DEFB121: variants seen among roughly 807,000 people sequenced by gnomAD.
The protein encoded by DEFB121 is beta-defensin 121.
A neutral mutation model predicts 2.5 loss-of-function variants in DEFB121; 5 were observed. The ratio of observed to expected loss-of-function variants is 1.96; its 90% CI spans 1.03 to 4.13. The LOEUF (loss-of-function observed/expected upper bound fraction) is 4.13. Among genes scored for constraint, DEFB121 ranks in the 30% most tolerant of loss-of-function variants. The pLI is 0.00. For synonymous variants in DEFB121, 39 were observed against 32.6 expected (o/e 1.20, Z -0.67); for missense variants, 87 against 85.0 (o/e 1.02, Z -0.09).
At chr20:31,405,466 C>T (rs903719301) in intron 1 of DEFB121, among the ~76,000 whole-genome samples, 3 of 152,092 alleles carry the variant, frequency 2.0e-5, no homozygotes, top group Non-Finnish European at 4.4e-5. Flanking sequence ...CTTTGGTACC[C>T]CCTCTGACCA....
the DEFB121 span, among the ~76,000 whole-genome samples, chr20:31,418,310 A>ACAT: frequency 6.6e-6 from 1 of 150,512 alleles, no homozygotes; most frequent in East Asian, 2.0e-4. Context: ...AAATTTAGGC[A>ACAT]CATCAACATG....
rs1308743059 is a variant in DEFB121 at position 31,406,173 on chromosome 20, G to A, written c.-21C>T. The A allele has an allele frequency of 1.2e-5, 20 of 1,613,862 alleles. No homozygotes were observed. The highest frequency in any genetic ancestry group is 1.7e-5 in the Non-Finnish European group (20 of 1,179,848). ...TTCATGAATGATGAATGATCAGGGA[G>A]GGATAGGAGGCTTCTCAACTGGTAA... On this transcript the variant is annotated 5_prime_UTR_variant, in exon 1 of 2. Coordinates refer to ENST00000376314, the MANE Select transcript of DEFB121 (RefSeq NM_001011878.3).
upstream of DEFB121, among the ~76,000 whole-genome samples, chr20:31,408,955 G>T (rs773208880): frequency 3.3e-5 from 5 of 151,966 alleles, no homozygotes; most frequent in Non-Finnish European, 7.4e-5. Flanking sequence ...GAACCTGGGA[G>T]GCAGAGGTTG....
upstream of DEFB121, among the ~76,000 whole-genome samples, chr20:31,410,484 A>G (rs973610561): frequency 4.6e-5 from 7 of 152,180 alleles, no homozygotes; most frequent in African/African-American, 1.7e-4. Flanking sequence ...TGAGAGATGG[A>G]TAGGAGTTGA....
upstream of DEFB121, among the ~76,000 whole-genome samples, chr20:31,417,281 G>T (rs1360478825): frequency 1.3e-5 from 2 of 152,056 alleles, no homozygotes; most frequent in African/African-American, 4.8e-5. Flanking sequence ...GTAGGTGAAG[G>T]TTGCAGTGAG....
upstream of DEFB121, among the ~76,000 whole-genome samples, chr20:31,410,083 T>C (rs1201933811): frequency 6.6e-6 from 1 of 152,208 alleles, no homozygotes; most frequent in African/African-American, 2.4e-5. Flanking sequence ...AAATAGTTTT[T>C]AAAATAAGCA....
chr20:31,408,458 A>G (rs1477511957), upstream of DEFB121, among the ~76,000 whole-genome samples: 1 of 152,142 alleles, frequency 6.6e-6, no homozygotes, highest in Admixed American at 6.5e-5. Context: ...CAAAAACAAA[A>G]AAAAGACAAG....
intron 1 of DEFB121, chr20:31,412,508 G>A (rs976850585): frequency 4.5e-6 from 3 of 662,902 alleles, no homozygotes; most frequent in Admixed American, 5.1e-5. Flanking sequence ...TGACAGCAGA[G>A]GTTTGCTGTG....
At chr20:31,416,243 T>C (rs1418272871), upstream of DEFB121, among the ~76,000 whole-genome samples, 1 of 152,148 alleles carries the variant, frequency 6.6e-6, no homozygotes, top group East Asian at 1.9e-4. Flanking sequence ...GTATTTTTAG[T>C]AGAGATGGGG....
upstream of DEFB121, chr20:31,406,289 G>C: frequency 6.9e-7 from 1 of 1,446,442 alleles, no homozygotes; most frequent in Non-Finnish European, 9.1e-7. Flanking sequence ...ACCAGAACGG[G>C]AACAGTCATT....
At chr20:31,416,367 G>A (rs1482210603), upstream of DEFB121, among the ~76,000 whole-genome samples, 2 of 151,906 alleles carry the variant, frequency 1.3e-5, no homozygotes, top group African/African-American at 2.4e-5. Context: ...GGCCTTCTTC[G>A]CACTTTAAAC....
chr20:31,410,521 G>T (rs887875122), upstream of DEFB121, among the ~76,000 whole-genome samples: 1 of 152,168 alleles, frequency 6.6e-6, no homozygotes, highest in Non-Finnish European at 1.5e-5. Context: ...TAATAAATCA[G>T]TAAAATAAAA....
chr20:31,411,024 C>G (rs1978648897), upstream of DEFB121, among the ~76,000 whole-genome samples: 1 of 152,172 alleles, frequency 6.6e-6, no homozygotes, highest in Non-Finnish European at 1.5e-5. Flanking sequence ...CAAGTTTGCT[C>G]TTGTGAACAC....
At chr20:31,408,264 C>G (rs6088127), upstream of DEFB121, among the ~76,000 whole-genome samples, 2 of 151,878 alleles carry the variant, frequency 1.3e-5, no homozygotes, top group Non-Finnish European at 2.9e-5. Flanking sequence ...AGCAACATAA[C>G]GAGACTCCAT....
upstream of DEFB121, among the ~76,000 whole-genome samples, chr20:31,413,254 A>T (rs376194044): frequency 6.6e-6 from 1 of 152,250 alleles, no homozygotes; most frequent in East Asian, 1.9e-4. Context: ...TTATTGAGGA[A>T]AATGGGAAAC....
exon 1 of DEFB121, chr20:31,412,728 A>G: frequency 8.2e-7 from 1 of 1,226,382 alleles, no homozygotes; most frequent in African/African-American, 1.6e-5. Context: ...GGACATTAGG[A>G]TTGGCAGTAG....
At chr20:31,406,326 G>C (rs1475057335), upstream of DEFB121, 1 of 1,363,814 alleles carries the variant, frequency 7.3e-7, no homozygotes, top group East Asian at 2.8e-5. Context: ...GGCAAGGAAG[G>C]TATCAACCAC....
chr20:31,418,503 A>G, the DEFB121 span, among the ~76,000 whole-genome samples: 2 of 152,170 alleles, frequency 1.3e-5, no homozygotes, highest in Non-Finnish European at 2.9e-5. Flanking sequence ...CCTTTTCATA[A>G]GACTCGCCCA....
chr20:31,406,266 C>T (rs992453511), upstream of DEFB121: 2 of 1,494,428 alleles, frequency 1.3e-6, no homozygotes, highest in Admixed American at 2.3e-5. Flanking sequence ...CATGGCAGAG[C>T]CAAGATCAGT....
Sources: allele counts gnomAD v4.1 joint callset (sites outside exome capture counted in the v4.1 genomes callset), GRCh38; gene constraint gnomAD v4.1.1; transcripts MANE v1.5; gene names NCBI Gene and HGNC (gene_info 2026-07-23, HGNC 2026-07-21).